ATP11B: variants seen among roughly 807,000 people sequenced by gnomAD.
ATP11B encodes the protein ATPase phospholipid transporting 11B (putative), also known as phospholipid-transporting ATPase IF.
In ATP11B, 81 loss-of-function variants were observed where a neutral mutation model predicts 157.8. That is an observed-to-expected ratio of 0.51 (90% CI 0.43 to 0.62). The LOEUF (loss-of-function observed/expected upper bound fraction) is 0.62, where lower values mean the gene tolerates loss of function less well. Among genes scored for constraint, ATP11B ranks in the 20% least tolerant of loss-of-function variants. The probability of loss-of-function intolerance (pLI) is 0.00; values close to 1 mark genes in which losing one functional copy is unlikely to be tolerated. For synonymous variants in ATP11B, 451 were observed against 469.4 expected, an observed-to-expected ratio of 0.96 and a Z score of 0.51; for missense variants, 1,165 against 1,402.2, an observed-to-expected ratio of 0.83 and a Z score of 2.70.
At chr3:182,797,914 T>A (rs1032681222) in intron 1 of ATP11B, among the ~76,000 whole-genome samples, 1 of 152,190 alleles carries the variant, frequency 6.6e-6, no homozygotes, top group Non-Finnish European at 1.5e-5. Context: ...TTAGTGCTGC[T>A]GTATAACATT....
At position 182,837,079 on chromosome 3, in the gene ATP11B, G is replaced by T. The variant is rs371851835; in HGVS notation, c.561G>T (p.Val187=). Residue 187 remains valine, a synonymous_variant, in exon 7 of 30, where the codon GTG becomes GTT. Coordinates refer to ENST00000323116, the MANE Select transcript of ATP11B (RefSeq NM_014616.3). ...LDGETNLKTH[V]AVPETALLQT... ...TAATTCATTTTTTTCAGACACATGTGGCAGTTCCAGAAACAGCATTATTAC... is the reference window on the plus strand; with the variant it reads ...TAATTCATTTTTTTCAGACACATGTTGCAGTTCCAGAAACAGCATTATTAC... 4.1e-5 allele frequency: 66 copies of T among 1,611,462 alleles called. No homozygotes were observed. Among genetic ancestry groups the T allele is most frequent in the Non-Finnish European group, 5.4e-5 (64 of 1,178,432 alleles).
chr3:182,834,750 G>A (rs1333065967), intron 4 of ATP11B, among the ~76,000 whole-genome samples: 1 of 152,092 alleles, frequency 6.6e-6, no homozygotes, highest in Non-Finnish European at 1.5e-5. Context: ...ATCCATACAG[G>A]CTAACATATT....
At position 182,874,896 on chromosome 3, in the gene ATP11B, A is replaced by G. The variant is rs183625784; in HGVS notation, c.2252+881A>G. The stretch of plus-strand genomic sequence containing the variant: ...CATTCTGTAACTACCTATATCCTCA[A>G]TTTTGCCTCTTGGCCCACAAAACCT... On this transcript the variant is annotated intron_variant, in intron 19 of 29. Transcript: ENST00000323116. Among the ~76,000 whole-genome samples the G allele has an allele frequency of 5.4e-4, 81 of 151,308 alleles. 1 individual carries two copies. The highest frequency in any genetic ancestry group is 1.5e-3 in the Admixed American group (22 of 15,004).
At chr3:182,858,520 C>T (rs983748807) in intron 11 of ATP11B, among the ~76,000 whole-genome samples, 2 of 152,102 alleles carry the variant, frequency 1.3e-5, no homozygotes, top group Non-Finnish European at 2.9e-5. Context: ...AATAATTGTT[C>T]TCCAGGTTTC....
intron 9 of ATP11B, among the ~76,000 whole-genome samples, chr3:182,847,798 A>G (rs1333143457): frequency 1.3e-5 from 2 of 152,202 alleles, no homozygotes; most frequent in Non-Finnish European, 2.9e-5. Flanking sequence ...TTACCCGAGG[A>G]TGTAGAACTA....
At chr3:182,915,690 A>G in intron 29 of ATP11B, 1 of 981,858 alleles carries the variant, frequency 1.0e-6, no homozygotes, top group East Asian at 1.1e-4. Flanking sequence ...CATTTTCTTG[A>G]TATCGATTAT....
In ATP11B at chr3:182,820,352, A is replaced by G; in HGVS notation, c.120A>G (p.Ile40Met). Residue 40 changes from isoleucine to methionine, a missense_variant, in exon 2 of 30, where the codon ATA becomes ATG. Physicochemically the swap from Ile to Met is conservative, Grantham distance 10 (BLOSUM62 1). Around this residue, in one of 4 missense-constraint regions of ATP11B, gnomAD observed 91 missense variants for 95.8 expected, o/e 0.95. Transcript: ENST00000323116. ...GCCTTTACACACCTCAGAAATTTATAGATAACAGGATCATTTCATCTAAGG... is the reference window on the plus strand; with the variant it reads ...GCCTTTACACACCTCAGAAATTTATGGATAACAGGATCATTTCATCTAAGG... ...QNGLYTPQKFIDNRIISSKYT... is the reference protein window; with the variant it reads ...QNGLYTPQKFMDNRIISSKYT... The G allele has an allele frequency of 1.9e-6, 3 of 1,607,812 alleles. No individual in the cohort carries two copies. The highest frequency in any genetic ancestry group is 2.6e-6 in the Non-Finnish European group (3 of 1,174,206).
In ATP11B at chr3:182,918,263, T is replaced by A; in HGVS notation, c.*159T>A. 9.6e-7 allele frequency: 1 copy of A among 1,044,310 alleles called. No homozygotes were observed. Among genetic ancestry groups the A allele is most frequent in the Non-Finnish European group, 1.3e-6 (1 of 747,694 alleles). 64.7% of individuals were successfully genotyped at this position (1,044,310 alleles called of 1,614,324 possible). A position where few individuals can be genotyped will look rare whatever the true frequency, so the allele number is the denominator to read the frequency against. ...ATAATGGCAAACAAACAGAAAGCAT[T>A]AGTACAAGCCCCTCCCAACACCCTT... On this transcript the variant is annotated 3_prime_UTR_variant, in exon 30 of 30. Coordinates refer to ENST00000323116, the MANE Select transcript of ATP11B (RefSeq NM_014616.3).
chr3:182,862,851 G>A (rs1720947737), intron 12 of ATP11B, among the ~76,000 whole-genome samples: 2 of 151,064 alleles, frequency 1.3e-5, no homozygotes, highest in African/African-American at 4.9e-5. Flanking sequence ...GAAGTTTTAA[G>A]AGAACCAGAG....
chr3:182,872,171 A>C (rs984454142), intron 17 of ATP11B, among the ~76,000 whole-genome samples, 185 bp from the exon 18 acceptor site: 1 of 152,220 alleles, frequency 6.6e-6, no homozygotes, highest in Admixed American at 6.5e-5. Context: ...TATGTGTCCC[A>C]TAACTCAGAT....
rs911312020 is a variant in ATP11B, at chr3:182,921,405, A to G, written c.*3301A>G. 1 of 152,170 alleles carries G rather than the reference A, an allele frequency of 6.6e-6. No homozygotes were observed. The highest frequency in any genetic ancestry group is 2.4e-5 in the African/African-American group (1 of 41,424). 9.4% of individuals were successfully genotyped at this position (152,170 alleles called of 1,614,324 possible). Reference sequence around the variant, plus strand: ...TAAAAAATAGATCATAACTCATGATATGTTTGTAATCATGGTAATTTAGAT... The same window carrying G: ...TAAAAAATAGATCATAACTCATGATGTGTTTGTAATCATGGTAATTTAGAT... On this transcript the variant is annotated 3_prime_UTR_variant, in exon 30 of 30. Coordinates refer to ENST00000323116, the MANE Select transcript of ATP11B (RefSeq NM_014616.3).
At chr3:182,917,293 A>G (rs767959475) in intron 29 of ATP11B, 23 of 985,212 alleles carry the variant, frequency 2.3e-5, no homozygotes, top group African/African-American at 3.5e-5. Context: ...CTGTCCTTGA[A>G]CTAGGTTAGT....
At chr3:182,884,944 A>C (rs1308546884) in intron 22 of ATP11B, 46 bp downstream of exon 22, 1 of 1,111,020 alleles carries the variant, frequency 9.0e-7, no homozygotes, top group East Asian at 2.6e-5. Context: ...AGTAATATGA[A>C]GTTTCAATTT....
chr3:182,845,742 T>C (rs907554360), intron 9 of ATP11B, among the ~76,000 whole-genome samples: 2 of 152,252 alleles, frequency 1.3e-5, no homozygotes, highest in Non-Finnish European at 2.9e-5. Flanking sequence ...CTTGATCTTA[T>C]GTTATCTTTA....
chr3:182,888,878 C>G (rs990433388), intron 24 of ATP11B, among the ~76,000 whole-genome samples: 2 of 124,450 alleles, frequency 1.6e-5, no homozygotes, highest in Non-Finnish European at 1.6e-5. Flanking sequence ...TTTTTTTTTC[C>G]TTTTGAGAGA....
chr3:182,889,321 T>C, intron 24 of ATP11B, 89 bp from the exon 25 acceptor site: 2 of 943,308 alleles, frequency 2.1e-6, no homozygotes, highest in Non-Finnish European at 3.0e-6. Flanking sequence ...AAATCTATCT[T>C]GTTTTTTAAT....
At position 182,831,627 on chromosome 3, in the gene ATP11B, C is replaced by T. The variant is rs190104196; in HGVS notation, c.315+1875C>T. 3.3e-5 allele frequency among the ~76,000 whole-genome samples: 5 copies of T among 151,790 alleles called. No individual in the cohort carries two copies. The East Asian group carries it at 9.7e-4, about 29-fold the overall frequency. Reference sequence around the variant, plus strand: ...GCAGCTACACTCCTCTACTTGTCCTCGAACACAGTAAGCATGCTCCTATCT... The same window carrying T: ...GCAGCTACACTCCTCTACTTGTCCTTGAACACAGTAAGCATGCTCCTATCT... On this transcript the variant is annotated intron_variant, in intron 4 of 29. Coordinates refer to ENST00000323116, the MANE Select transcript of ATP11B (RefSeq NM_014616.3).
In ATP11B at chr3:182,879,741, A is replaced by G. The variant is rs975227684; in HGVS notation, c.2406+92A>G. On this transcript the variant is annotated intron_variant, in intron 20 of 29. Coordinates refer to ENST00000323116, the MANE Select transcript of ATP11B (RefSeq NM_014616.3). ...ATGCCTTACATAGTTCCATTTGGTGATGTGCAATATATACATTTTGCTAGG... is the reference window on the plus strand; with the variant it reads ...ATGCCTTACATAGTTCCATTTGGTGGTGTGCAATATATACATTTTGCTAGG... 6.0e-6 allele frequency: 7 copies of G among 1,171,474 alleles called. No individual in the cohort carries two copies. In the African/African-American group the frequency reaches 9.6e-5, roughly 16 times the overall value. The allele number at this position is 1,171,474 out of a possible 1,614,324, so 72.6% of individuals were successfully genotyped here.
intron 1 of ATP11B, 91 bp downstream of exon 1, chr3:182,793,877 G>C: frequency 1.1e-6 from 1 of 883,652 alleles, no homozygotes; most frequent in Non-Finnish European, 1.5e-6. Flanking sequence ...GCGCGGAGCC[G>C]GGAGGCCAGG....
Sources: allele counts gnomAD v4.1 joint callset (sites outside exome capture counted in the v4.1 genomes callset), GRCh38; gene constraint gnomAD v4.1.1; regional missense constraint gnomAD v4.1.1; transcripts MANE v1.5; gene names NCBI Gene and HGNC (gene_info 2026-07-23, HGNC 2026-07-21).